Variants in MAMDC4 observed in about 807,000 individuals in gnomAD.
The protein encoded by MAMDC4 is apical endosomal glycoprotein.
MAMDC4 carries 168 observed loss-of-function variants against 153.3 expected under a neutral mutation model. The observed-to-expected ratio is 1.10, with a 90% CI of 0.97 to 1.25. MAMDC4 has a LOEUF of 1.25. MAMDC4 is among the 50% of genes most tolerant of loss of function. The probability of loss-of-function intolerance (pLI) is 0.00; values close to 1 mark genes in which losing one functional copy is unlikely to be tolerated. For synonymous variants in MAMDC4, 744 were observed against 651.5 expected (o/e 1.14, Z -2.16); for missense variants, 1,701 against 1,542.8 (o/e 1.10, Z -1.72).
chr9:136,852,408 G>GTCCA lies in MAMDC4; in HGVS notation c.-9_-8insTCCA. On this transcript the variant is annotated 5_prime_UTR_variant, in exon 1 of 27. Coordinates refer to ENST00000317446, the MANE Select transcript of MAMDC4 (RefSeq NM_206920.3). ...CCTGTGTGGCCGCACTGCTCCCTCT[G>GTCCA]GCCCAACCATGCCTCTGTCCAGCCA... The GTCCA allele has an allele frequency of 6.2e-7, 1 of 1,609,434 alleles. No homozygotes were observed. Among genetic ancestry groups the GTCCA allele is most frequent in the Non-Finnish European group, 8.5e-7 (1 of 1,179,936 alleles).
intron 14 of MAMDC4, 22 bp downstream of exon 14, chr9:136,856,171 T>C (rs754837290): frequency 6.2e-7 from 1 of 1,611,544 alleles, no homozygotes; most frequent in African/African-American, 1.3e-5. Flanking sequence ...CTCCGCAAGT[T>C]CCCTGGCCAG....
In MAMDC4 at chr9:136,859,043, G is replaced by A. The variant is rs542293524; in HGVS notation, c.2995G>A (p.Gly999Ser). The change falls in exon 24 of 27, where the codon GGC (glycine) becomes AGC (serine). Residue 999 changes from glycine to serine, a missense_variant. Coordinates refer to ENST00000317446, the MANE Select transcript of MAMDC4 (RefSeq NM_206920.3). ...ELKVLLHSAQ[G>S]QLAVWGAGGH... The stretch of plus-strand genomic sequence containing the variant: ...GAAGGTACTGCTGCACAGTGCTCAG[G>A]GCCAGCTGGCTGTGTGGGGCGCAGG... 5.1e-6 allele frequency: 8 copies of A among 1,554,322 alleles called. No individual in the cohort carries two copies. The highest frequency in any genetic ancestry group is 6.1e-6 in the Non-Finnish European group (7 of 1,148,550).
rs778044947 is a variant in MAMDC4, at chr9:136,856,089, G to T, written c.1660G>T (p.Gly554Cys). The T allele has an allele frequency of 6.2e-7, 1 of 1,612,386 alleles. No individual in the cohort carries two copies. The highest frequency in any genetic ancestry group is 1.1e-5 in the South Asian group (1 of 91,078). ...GGCCCGGGTCCTCACACCCCTCCTT[G>T]GCCCTTCTGGCCCCAGCTGTGAACT... ...AEARVLTPLL[G>C]PSGPSCELHL... Residue 554 changes from glycine (G) to cysteine (C), a missense_variant, in exon 14 of 27, where the codon GGC (glycine) becomes TGC (cysteine). Transcript: ENST00000317446.
In MAMDC4 at chr9:136,855,600, C is replaced by T. The variant is rs774258245; in HGVS notation, c.1452C>T (p.Gly484=). ...LCDFEEQCAG[G]EDEQACGTTD... is the part of the protein sequence containing the mutation. ...ACTTCGAGGAGCAGTGCGCAGGGGG[C>T]GAGGACGAGCAGGCCTGTGGTAAAG... Residue 484 remains glycine, a synonymous_variant, in exon 12 of 27, where the codon GGC becomes GGT. Transcript: ENST00000317446. 7 of 1,582,720 alleles carry T rather than the reference C, an allele frequency of 4.4e-6. No homozygotes were observed. The highest frequency in any genetic ancestry group is 2.3e-5 in the South Asian group (2 of 87,076).
chr9:136,858,606 C>A, intron 22 of MAMDC4, 60 bp downstream of exon 22: 1 of 1,578,128 alleles, frequency 6.3e-7, no homozygotes, highest in Non-Finnish European at 8.6e-7. Context: ...TCCTGCTGCC[C>A]ACCCACAGAG....
chr9:136,858,571 G>A (rs1849042236), intron 22 of MAMDC4, 25 bp downstream of exon 22: 1 of 1,564,106 alleles, frequency 6.4e-7, no homozygotes, highest in Admixed American at 1.9e-5. Context: ...GAGCCAGGTG[G>A]GGAGGCACAC....
In MAMDC4 at chr9:136,857,267, C is replaced by T. The variant is rs1434019067; in HGVS notation, c.2075C>T (p.Ser692Phe). The change falls in exon 17 of 27, where the codon TCC becomes TTC. Residue 692 changes from serine (S) to phenylalanine (F), a missense_variant. Ser to Phe is a radical substitution (Grantham distance 155). Coordinates refer to ENST00000317446, the MANE Select transcript of MAMDC4 (RefSeq NM_206920.3). ...NRWHEAWATL[S>F]HQPGSHAQYQ... Reference sequence around the variant, plus strand: ...TGGCACGAGGCCTGGGCCACCCTTTCCCACCAGCCTGGCTCCCATGCCCAG... The same window carrying T: ...TGGCACGAGGCCTGGGCCACCCTTTTCCACCAGCCTGGCTCCCATGCCCAG... 1 of 1,602,546 alleles carries T rather than the reference C, an allele frequency of 6.2e-7. No individual in the cohort carries two copies. Among genetic ancestry groups the T allele is most frequent in the Non-Finnish European group, 8.5e-7 (1 of 1,175,256 alleles).
chr9:136,853,861 G>A lies in MAMDC4; in HGVS notation c.539G>A (p.Trp180Ter), dbSNP rs1263462191. The A allele has an allele frequency of 1.7e-5, 27 of 1,612,460 alleles. No homozygotes were observed. The highest frequency in any genetic ancestry group is 2.2e-5 in the Non-Finnish European group (26 of 1,179,848). Residue 180 changes from tryptophan (W) to a stop codon, truncating the protein, a stop_gained, in exon 5 of 27, where the codon TGG (tryptophan) becomes TAG (stop). Transcript: ENST00000317446. LOFTEE classifies it high-confidence loss of function. ...AGCACAGGGCCCTGGGGCCCTGGCT[G>A]GCAGGAGTTGGCAGTGACCACAGGC... is the stretch of plus-strand genomic sequence containing the variant. Reference protein sequence around the residue: ...WQSTGPWGPGWQELAVTTGRI... With the variant: ...WQSTGPWGPG
rs1464976870 is a variant in MAMDC4 at position 136,853,529 on chromosome 9, C to T, written c.329-16C>T. ...CTTGCTCCCTGCCCCGTCTCCTGACCTCTCACCTGCGCCAGGCTGGTACAT... is the reference window on the plus strand; with the variant it reads ...CTTGCTCCCTGCCCCGTCTCCTGACTTCTCACCTGCGCCAGGCTGGTACAT... On this transcript the variant is annotated splice_polypyrimidine_tract_variant and intron_variant, in intron 3 of 26. Transcript: ENST00000317446. The T allele has an allele frequency of 1.8e-5, 29 of 1,612,484 alleles. No individual in the cohort carries two copies. Among genetic ancestry groups the T allele is most frequent in the Non-Finnish European group, 2.2e-5 (26 of 1,179,960 alleles).
chr9:136,858,169 T>C lies in MAMDC4; in HGVS notation c.2584-17T>C. On this transcript the variant is annotated splice_polypyrimidine_tract_variant and intron_variant, in intron 20 of 26. Coordinates refer to ENST00000317446, the MANE Select transcript of MAMDC4 (RefSeq NM_206920.3). ...CTGCCTGGACCCGCTGAGGCTGCCCTGCCCTGCACCCGCCAGGTGGTGTTT... is the reference window on the plus strand; with the variant it reads ...CTGCCTGGACCCGCTGAGGCTGCCCCGCCCTGCACCCGCCAGGTGGTGTTT... The C allele has an allele frequency of 6.5e-7, 1 of 1,544,764 alleles. No homozygotes were observed. The highest frequency in any genetic ancestry group is 8.7e-7 in the Non-Finnish European group (1 of 1,145,514).
rs1332891961 is a variant in MAMDC4, at chr9:136,853,793, G to A, written c.471G>A (p.Arg157=). The change falls in exon 5 of 27, where the codon CGG becomes CGA. Residue 157 remains arginine (R), a synonymous_variant. Transcript: ENST00000317446. The part of the protein sequence containing the change: ...HAASGDVAEL[R]VELTHGAETL... ...ACATTGCAGATGTGGCTGAACTGCG[G>A]GTGGAGCTGACCCATGGCGCAGAGA... 1.9e-6 allele frequency: 3 copies of A among 1,610,982 alleles called. 1 individual carries two copies. The South Asian group carries it at 3.3e-5, about 18-fold the overall frequency.
intron 2 of MAMDC4, 31 bp downstream of exon 2, chr9:136,853,240 C>T: frequency 1.2e-6 from 2 of 1,612,174 alleles, no homozygotes; most frequent in Non-Finnish European, 1.7e-6. Flanking sequence ...CGGGCAGGGC[C>T]AGTGCGAGCA....
In MAMDC4 at chr9:136,857,688, G is replaced by A; in HGVS notation, c.2356G>A (p.Asp786Asn). The change falls in exon 19 of 27, where the codon GAC becomes AAC. Residue 786 changes from aspartate (D) to asparagine (N), a missense_variant. Transcript: ENST00000317446. ...GHYMVVDTSP[D>N]ALPRGQTASL... ...CTACATGGTGGTGGACACAAGCCCA[G>A]ACGCACTACCCCGGGGCCAGACGGC... is the stretch of plus-strand genomic sequence containing the variant. 1 of 1,612,620 alleles carries A rather than the reference G, an allele frequency of 6.2e-7. No individual in the cohort carries two copies. The highest frequency in any genetic ancestry group is 8.5e-7 in the Non-Finnish European group (1 of 1,179,812).
At chr9:136,859,758 C>T in intron 25 of MAMDC4, 128 bp from the exon 26 acceptor site, 1 of 951,482 alleles carries the variant, frequency 1.1e-6, no homozygotes, top group Non-Finnish European at 1.6e-6. Context: ...CCAATACCCT[C>T]TGCCTTTGAA....
At chr9:136,858,127 T>TCCCCCCCCCC in intron 20 of MAMDC4, 30 bp downstream of exon 20, 1 of 1,179,226 alleles carries the variant, frequency 8.5e-7, no homozygotes, top group South Asian at 1.3e-5. Context: ...CCCCTCCCCC[T>TCCCCCCCCCC]CCCCCTCCCC....
intron 21 of MAMDC4, 29 bp downstream of exon 21, chr9:136,858,305 G>C: frequency 6.2e-7 from 1 of 1,600,750 alleles, no homozygotes; most frequent in Non-Finnish European, 8.5e-7. Flanking sequence ...CCTCGGCCCT[G>C]CTCTGGGGTG....
chr9:136,859,170 C>A, intron 24 of MAMDC4, 38 bp downstream of exon 24: 1 of 1,592,044 alleles, frequency 6.3e-7, no homozygotes, highest in Non-Finnish European at 8.6e-7. Context: ...CCTCCTCCTC[C>A]ACCCAGGGCC....
At chr9:136,859,161 C>G in intron 24 of MAMDC4, 29 bp downstream of exon 24, 1 of 1,588,632 alleles carries the variant, frequency 6.3e-7, no homozygotes, top group Non-Finnish European at 8.6e-7. Context: ...AAGGAGCCTC[C>G]TCCTCCTCCA....
At position 136,857,694 on chromosome 9, in the gene MAMDC4, C is replaced by T. The variant is rs1356765867; in HGVS notation, c.2362C>T (p.Leu788=). The T allele has an allele frequency of 1.9e-6, 3 of 1,612,632 alleles. No individual in the cohort carries two copies. ...YMVVDTSPDA[L]PRGQTASLTS... is the part of the protein sequence containing the mutation. Reference sequence around the variant, plus strand: ...GGTGGTGGACACAAGCCCAGACGCACTACCCCGGGGCCAGACGGCCTCCCT... The same window carrying T: ...GGTGGTGGACACAAGCCCAGACGCATTACCCCGGGGCCAGACGGCCTCCCT... The change falls in exon 19 of 27, where the codon CTA becomes TTA. Residue 788 remains leucine (L), a synonymous_variant. Coordinates refer to ENST00000317446, the MANE Select transcript of MAMDC4 (RefSeq NM_206920.3).
Sources: allele counts gnomAD v4.1 joint callset, GRCh38; gene constraint gnomAD v4.1.1; transcripts MANE v1.5; gene names NCBI Gene and HGNC (gene_info 2026-07-23, HGNC 2026-07-21).